IGSF10: variants seen among roughly 807,000 people sequenced by gnomAD.
IGSF10 encodes the protein calvaria mechanical force protein 608.
Under a neutral mutation model 128.2 loss-of-function variants are expected in IGSF10, and 126 were observed. That is an observed-to-expected ratio of 0.98 (90% CI 0.85 to 1.14). The LOEUF (loss-of-function observed/expected upper bound fraction) is 1.14. IGSF10 is among the 50% of genes most tolerant of loss of function. IGSF10 has a pLI of 0.00. For missense variants in IGSF10, 3,295 were observed against 3,149.8 expected, an observed-to-expected ratio of 1.05 and a Z score of -1.10; for synonymous variants, 1,185 against 1,146.2, an observed-to-expected ratio of 1.03 and a Z score of -0.68.
rs1721209442 is a variant in IGSF10, at chr3:151,446,638, T to A, written c.3343A>T (p.Asn1115Tyr). ...GTTGTTTTCTCTACACTGGGTTTGTTCTCAAGTAGTAATAGTGGATTCTGG... is the reference window on the plus strand; with the variant it reads ...GTTGTTTTCTCTACACTGGGTTTGTACTCAAGTAGTAATAGTGGATTCTGG... ...LVQNPLLLLE[N>Y]KPSVEKTTPT... The change falls in exon 6 of 8, where the codon AAC (asparagine) becomes TAC (tyrosine). Residue 1115 changes from asparagine to tyrosine, a missense_variant. Physicochemically the swap from Asn to Tyr is moderately radical, Grantham distance 143. Coordinates refer to ENST00000282466, the MANE Select transcript of IGSF10 (RefSeq NM_178822.5). 6.2e-7 allele frequency: 1 copy of A among 1,614,028 alleles called. No individual in the cohort carries two copies. The highest frequency in any genetic ancestry group is 1.7e-5 in the Admixed American group (1 of 60,010).
the IGSF10 span, among the ~76,000 whole-genome samples, chr3:151,514,856 C>T: frequency 6.6e-6 from 1 of 152,148 alleles, no homozygotes; most frequent in Admixed American, 6.5e-5. Flanking sequence ...AGCCAAAAAA[C>T]ACGTGAAAAA....
At chr3:151,532,837 A>T in the IGSF10 span, among the ~76,000 whole-genome samples, 8 of 152,352 alleles carry the variant, frequency 5.3e-5, no homozygotes, top group Admixed American at 5.2e-4. Flanking sequence ...AATTGGCAAG[A>T]GGAAGAAATA....
At chr3:151,464,995 G>A (rs1174432384), upstream of IGSF10, among the ~76,000 whole-genome samples, 1 of 152,196 alleles carries the variant, frequency 6.6e-6, no homozygotes, top group Admixed American at 6.5e-5. Flanking sequence ...AGTTTTGGAA[G>A]ATGTGGAGAA....
the IGSF10 span, among the ~76,000 whole-genome samples, chr3:151,474,303 C>T: frequency 6.6e-6 from 1 of 152,148 alleles, no homozygotes; most frequent in Non-Finnish European, 1.5e-5. Flanking sequence ...TTTCCTTAGA[C>T]ACTACTACCA....
chr3:151,434,271 C>CAAATCATTATCTATAAA (rs1206168220), downstream of IGSF10: 4 of 152,158 alleles, frequency 2.6e-5, no homozygotes, highest in East Asian at 7.7e-4. Context: ...TTTTCTTTTG[C>CAAATCATTATCTATAAA]AAATCATTAT....
chr3:151,511,593 A>C, the IGSF10 span, among the ~76,000 whole-genome samples: 3 of 152,316 alleles, frequency 2.0e-5, no homozygotes, highest in Non-Finnish European at 2.9e-5. Context: ...TCATAATGAC[A>C]GGATCAAATT....
At chr3:151,454,419 A>C (rs1721677833) in intron 4 of IGSF10, among the ~76,000 whole-genome samples, 1 of 152,344 alleles carries the variant, frequency 6.6e-6, no homozygotes, top group African/African-American at 2.4e-5. Flanking sequence ...GATGAATATT[A>C]TGAAAATTTG....
chr3:151,553,572 A>G, the IGSF10 span, among the ~76,000 whole-genome samples: 1 of 151,850 alleles, frequency 6.6e-6, no homozygotes, highest in Non-Finnish European at 1.5e-5. Flanking sequence ...TATAATGTAT[A>G]TCATGACTTC....
the IGSF10 span, among the ~76,000 whole-genome samples, chr3:151,484,628 G>T: frequency 6.6e-6 from 1 of 151,434 alleles, no homozygotes; most frequent in Non-Finnish European, 1.5e-5. Context: ...TTGCTGTTCT[G>T]CAGCCTCTGC....
At chr3:151,602,701 A>G in the IGSF10 span, among the ~76,000 whole-genome samples, 1 of 151,968 alleles carries the variant, frequency 6.6e-6, no homozygotes. Flanking sequence ...ACCCTCCTGC[A>G]GATGTCTTGC....
chr3:151,503,279 C>T, the IGSF10 span, among the ~76,000 whole-genome samples: 1 of 151,638 alleles, frequency 6.6e-6, no homozygotes, highest in Non-Finnish European at 1.5e-5. Context: ...AGAGTGAGAA[C>T]AAGCAGAATG....
the IGSF10 span, among the ~76,000 whole-genome samples, chr3:151,501,248 T>G: frequency 6.6e-6 from 1 of 152,110 alleles, no homozygotes; most frequent in Non-Finnish European, 1.5e-5. Flanking sequence ...TTCCCTGTCT[T>G]CCGCACTTTT....
the IGSF10 span, among the ~76,000 whole-genome samples, chr3:151,516,712 A>G: frequency 2.0e-5 from 3 of 151,916 alleles, no homozygotes; most frequent in African/African-American, 4.8e-5. Flanking sequence ...TATGGGTTCA[A>G]GAGAACATTG....
chr3:151,566,646 T>C, the IGSF10 span, among the ~76,000 whole-genome samples: 1 of 152,218 alleles, frequency 6.6e-6, no homozygotes, highest in African/African-American at 2.4e-5. Flanking sequence ...TTTCAGTTCA[T>C]TGGCCAGAAT....
chr3:151,531,101 C>T, the IGSF10 span, among the ~76,000 whole-genome samples: 1 of 152,258 alleles, frequency 6.6e-6, no homozygotes, highest in African/African-American at 2.4e-5. Flanking sequence ...AAGGGCATTA[C>T]ATAATGGTAA....
upstream of IGSF10, among the ~76,000 whole-genome samples, chr3:151,462,727 G>T (rs1421632248): frequency 6.6e-6 from 1 of 152,208 alleles, no homozygotes; most frequent in Non-Finnish European, 1.5e-5. Flanking sequence ...GTGATTTATG[G>T]TTAGTAATAA....
At chr3:151,510,540 T>G in the IGSF10 span, among the ~76,000 whole-genome samples, 7 of 152,038 alleles carry the variant, frequency 4.6e-5, no homozygotes, top group South Asian at 1.5e-3. Context: ...AACTGGAAAC[T>G]CTAAAAATCA....
chr3:151,446,478 G>A lies in IGSF10; in HGVS notation c.3503C>T (p.Thr1168Ile), dbSNP rs1721195028. ...VNASYPRVSS[T>I]NEAKRDSVIT... The stretch of plus-strand genomic sequence containing the variant: ...CACTGAATCTCTTTTAGCTTCATTG[G>A]TGCTAGACACACGTGGGTAACTGGC... The change falls in exon 6 of 8, where the codon ACC becomes ATC. Residue 1168 changes from threonine to isoleucine, a missense_variant. Physicochemically the swap from Thr to Ile is moderately conservative, Grantham distance 89. Transcript: ENST00000282466. 10 of 1,614,060 alleles carry A rather than the reference G, an allele frequency of 6.2e-6. No homozygotes were observed. The highest frequency in any genetic ancestry group is 1.3e-5 in the African/African-American group (1 of 74,910).
chr3:151,485,211 G>T, the IGSF10 span, among the ~76,000 whole-genome samples: 92 of 151,986 alleles, frequency 6.1e-4, no homozygotes, highest in Middle Eastern at 3.4e-3. Flanking sequence ...AGAGATTGAG[G>T]ATCAACTGAA....
Sources: allele counts gnomAD v4.1 joint callset (sites outside exome capture counted in the v4.1 genomes callset), GRCh38; gene constraint gnomAD v4.1.1; transcripts MANE v1.5; gene names NCBI Gene and HGNC (gene_info 2026-07-23, HGNC 2026-07-21).